SYCP2: variants seen among roughly 807,000 people sequenced by gnomAD.
SYCP2 encodes the protein synaptonemal complex protein 2, also known as synaptonemal complex lateral element protein.
SYCP2 carries 55 observed loss-of-function variants against 211.3 expected under a neutral mutation model. That is an observed-to-expected ratio of 0.26 (90% CI 0.21 to 0.33). SYCP2 has a LOEUF of 0.33. SYCP2 is among the 10% of genes least tolerant of loss of function. The probability of loss-of-function intolerance (pLI) is 1.00; values close to 1 mark genes in which losing one functional copy is unlikely to be tolerated. For missense variants in SYCP2, 1,731 were observed against 1,752.0 expected (o/e 0.99, Z 0.21); for synonymous variants, 570 against 555.2 (o/e 1.03, Z -0.37).
chr20:59,887,178 T>A (rs906692666), intron 24 of SYCP2, among the ~76,000 whole-genome samples: 3 of 147,472 alleles, frequency 2.0e-5, no homozygotes, highest in Non-Finnish European at 4.5e-5. Context: ...CAGGCCCCAG[T>A]GTGTGATGTT....
Position 59,892,124 on chromosome 20 carries a change from T to A in SYCP2, c.2230A>T (p.Ile744Leu). The change falls in exon 24 of 45, where the codon ATA becomes TTA. Residue 744 changes from isoleucine to leucine, a missense_variant. Physicochemically the swap from Ile to Leu is conservative, Grantham distance 5 (BLOSUM62 2). This residue lies in a region of SYCP2 where 1,387 missense variants were observed against 1,351.3 expected (regional missense o/e 1.03). Transcript: ENST00000357552. ...GCAGTATTCACATCTTTTGACAATA[T>A]GTATTTCTTCCTATATATCAGCGAT... ...EESLIYRKKYILSKDVNTATC... is the reference protein window; with the variant it reads ...EESLIYRKKYLLSKDVNTATC... 1.2e-6 allele frequency: 2 copies of A among 1,612,324 alleles called. No individual in the cohort carries two copies. Among genetic ancestry groups the A allele is most frequent in the Non-Finnish European group, 1.7e-6 (2 of 1,179,016 alleles).
rs1802863640 is a variant in SYCP2 at position 59,896,671 on chromosome 20, C to T, written c.1405-143G>A. 4 of 550,880 alleles carry T rather than the reference C, an allele frequency of 7.3e-6. No homozygotes were observed. The South Asian group carries it at 7.7e-5, about 11-fold the overall frequency. 34.1% of individuals were successfully genotyped at this position (550,880 alleles called of 1,614,324 possible). On this transcript the variant is annotated intron_variant, in intron 18 of 44. Transcript: ENST00000357552. ...AAACAACACAATATTCATAAATTTC[C>T]ATGTTTTAGGCTGATATGAAAGGTT...
At chr20:59,932,716 A>C (rs952832070) in intron 1 of SYCP2, among the ~76,000 whole-genome samples, 1 of 151,972 alleles carries the variant, frequency 6.6e-6, no homozygotes, top group African/African-American at 2.4e-5. Flanking sequence ...CCGTATTCGC[A>C]GATGCTCGGC....
chr20:59,876,239 C>T (rs1297159322), intron 33 of SYCP2, among the ~76,000 whole-genome samples: 1 of 150,932 alleles, frequency 6.6e-6, no homozygotes, highest in Admixed American at 6.6e-5. Flanking sequence ...GGCGTGGTGG[C>T]GTGCGCCTGT....
chr20:59,916,051 T>A (rs2060434459), intron 8 of SYCP2, among the ~76,000 whole-genome samples: 1 of 152,022 alleles, frequency 6.6e-6, no homozygotes, highest in Non-Finnish European at 1.5e-5. Context: ...AACTATAGAA[T>A]ATCAAAAATA....
intron 26 of SYCP2, 73 bp downstream of exon 26, chr20:59,885,855 T>C (rs555325333): frequency 2.8e-5 from 31 of 1,109,932 alleles, no homozygotes; most frequent in South Asian, 6.9e-5. Context: ...TTTACCACTA[T>C]GCTATTTTAG....
chr20:59,876,851 T>G (rs2059570618), intron 33 of SYCP2, among the ~76,000 whole-genome samples: 1 of 152,160 alleles, frequency 6.6e-6, no homozygotes, highest in Non-Finnish European at 1.5e-5. Flanking sequence ...CTATTGAATA[T>G]TCAAGTAAAC....
At chr20:59,926,379 C>A (rs762294565) in intron 2 of SYCP2, among the ~76,000 whole-genome samples, 25 of 152,078 alleles carry the variant, frequency 1.6e-4, no homozygotes, top group Admixed American at 5.2e-4. Flanking sequence ...GATCTTTAAG[C>A]TTCTGGTAGC....
chr20:59,900,291 G>A lies in SYCP2; in HGVS notation c.1258-7C>T, dbSNP rs1217180024. ...GACTTTCTGGCACTAGAATCTGTTG[G>A]AGAATATGAAAAAAAAAGTATTTAA... On this transcript the variant is annotated splice_region_variant and splice_polypyrimidine_tract_variant and intron_variant, in intron 17 of 44. Coordinates refer to ENST00000357552, the MANE Select transcript of SYCP2 (RefSeq NM_014258.4). The A allele has an allele frequency of 3.2e-6, 5 of 1,577,426 alleles. No homozygotes were observed. Among genetic ancestry groups the A allele is most frequent in the African/African-American group, 1.4e-5 (1 of 72,956 alleles).
chr20:59,923,330 C>T (rs181284982), intron 2 of SYCP2, among the ~76,000 whole-genome samples: 4 of 151,942 alleles, frequency 2.6e-5, no homozygotes, highest in African/African-American at 7.2e-5. Context: ...CTCTGTATCC[C>T]TATTGTGTTT....
rs1367454979 is a variant in SYCP2 at position 59,931,795 on chromosome 20, A to G, written c.-47+267T>C. ...AAAGCAAACTGAATAATCAGGTTAC[A>G]CACACACACACACGCATGCCTCAAA... On this transcript the variant is annotated intron_variant, in intron 2 of 44. Coordinates refer to ENST00000357552, the MANE Select transcript of SYCP2 (RefSeq NM_014258.4). 6.0e-5 allele frequency among the ~76,000 whole-genome samples: 9 copies of G among 151,194 alleles called. No homozygotes were observed. The East Asian group carries it at 1.2e-3, about 19-fold the overall frequency.
intron 10 of SYCP2, among the ~76,000 whole-genome samples, chr20:59,914,722 T>C (rs916938246): frequency 1.3e-5 from 2 of 151,974 alleles, no homozygotes; most frequent in Non-Finnish European, 1.5e-5. Flanking sequence ...ATAAACACAT[T>C]GTTTAAAAAC....
chr20:59,865,525 C>T, intron 43 of SYCP2, 48 bp downstream of exon 43: 5 of 1,573,188 alleles, frequency 3.2e-6, no homozygotes, highest in Non-Finnish European at 4.3e-6. Flanking sequence ...TTAACAAATT[C>T]TTTTTGTAAT....
chr20:59,906,061 C>T (rs894343102), intron 15 of SYCP2, among the ~76,000 whole-genome samples: 4 of 152,078 alleles, frequency 2.6e-5, no homozygotes, highest in Non-Finnish European at 5.9e-5. Context: ...CTATGAAACG[C>T]TGTTGAGAGA....
chr20:59,877,156 T>C (rs1354344806), intron 33 of SYCP2, among the ~76,000 whole-genome samples: 5 of 152,206 alleles, frequency 3.3e-5, no homozygotes, highest in Non-Finnish European at 5.9e-5. Flanking sequence ...TATCATCAAG[T>C]TATAATTTCA....
At chr20:59,867,030 A>AG (rs1340941311) in intron 39 of SYCP2, among the ~76,000 whole-genome samples, 1 of 143,602 alleles carries the variant, frequency 7.0e-6, no homozygotes, top group Non-Finnish European at 1.5e-5. Context: ...AAAAAAAAAA[A>AG]AAAAAGAAAC....
At chr20:59,880,859 A>T (rs1327442149) in intron 30 of SYCP2, 107 bp downstream of exon 30, 1 of 572,168 alleles carries the variant, frequency 1.7e-6, no homozygotes, top group Non-Finnish European at 2.9e-6. Flanking sequence ...TAGTTGCATA[A>T]ATAAAACAAT....
At chr20:59,921,855 G>A (rs778453888) in intron 3 of SYCP2, among the ~76,000 whole-genome samples, 156 of 151,340 alleles carry the variant, frequency 1.0e-3, no homozygotes, top group Admixed American at 1.8e-3. Context: ...AATACATAAA[G>A]ACAGGCAAAA....
At chr20:59,904,281 A>G (rs1056263762) in intron 15 of SYCP2, among the ~76,000 whole-genome samples, 1 of 152,112 alleles carries the variant, frequency 6.6e-6, no homozygotes, top group Non-Finnish European at 1.5e-5. Context: ...TCCGTTCAAA[A>G]TATCTGCCAG....
Sources: gnomAD v4.1 joint callset for allele counts (sites outside exome capture counted in the v4.1 genomes callset) on GRCh38, gnomAD v4.1.1 for gene constraint, gnomAD v4.1.1 regional missense constraint, MANE v1.5 for transcripts, NCBI Gene and HGNC (gene_info 2026-07-23, HGNC 2026-07-21) for gene names.